Variants in TMEM44 observed in about 807,000 individuals in gnomAD.
TMEM44 encodes transmembrane protein 44.
A neutral mutation model predicts 47.8 loss-of-function variants in TMEM44; 43 were observed. That is an observed-to-expected ratio of 0.90 (90% CI 0.70 to 1.16). The LOEUF (loss-of-function observed/expected upper bound fraction) is 1.16. Among genes scored for constraint, TMEM44 ranks in the 50% most tolerant of loss-of-function variants. TMEM44 has a pLI of 0.00. For synonymous variants in TMEM44, 277 were observed against 238.8 expected (o/e 1.16, Z -1.48); for missense variants, 568 against 555.2 (o/e 1.02, Z -0.23).
At chr3:194,600,608 A>G (rs13088466) in intron 9 of TMEM44, among the ~76,000 whole-genome samples, 120,709 of 151,850 alleles carry the variant, frequency 0.79, 48,115 homozygotes, top group East Asian at 0.96. Flanking sequence ...AAAATTAGCC[A>G]GGCATGGTGG....
At chr3:194,596,412 G>T (rs1220934834) in intron 9 of TMEM44, among the ~76,000 whole-genome samples, 2 of 151,924 alleles carry the variant, frequency 1.3e-5, no homozygotes, top group African/African-American at 4.8e-5. Flanking sequence ...ACAGCAGCCT[G>T]CCCTGCTATG....
chr3:194,594,624 A>G (rs1268280470), intron 9 of TMEM44, among the ~76,000 whole-genome samples: 1 of 142,842 alleles, frequency 7.0e-6, no homozygotes, highest in Non-Finnish European at 1.5e-5. Flanking sequence ...ACATAAACTG[A>G]AAAAAAAAAA....
At chr3:194,610,282 C>T (rs1428718087) in intron 8 of TMEM44, among the ~76,000 whole-genome samples, 1 of 151,934 alleles carries the variant, frequency 6.6e-6, no homozygotes, top group African/African-American at 2.4e-5. Flanking sequence ...CTCCTCCAGC[C>T]CTTTCATCTC....
chr3:194,588,665 G>C lies in TMEM44; in HGVS notation c.1177-26C>G, dbSNP rs762283294. On this transcript the variant is annotated intron_variant, in intron 9 of 9. Coordinates refer to ENST00000347147, the MANE Select transcript of TMEM44 (RefSeq NM_001011655.3). ...CTATGGAGAAAAGATGCAAAGGGTA[G>C]CTGGGTGGAACGGATAGATGCTTCT... The C allele has an allele frequency of 1.9e-6, 3 of 1,603,700 alleles. No homozygotes were observed. In the Admixed American group the frequency reaches 5.0e-5, roughly 27 times the overall value.
At position 194,625,949 on chromosome 3, in the gene TMEM44, G is replaced by A; in HGVS notation, c.306C>T (p.Asn102=). The A allele has an allele frequency of 6.2e-7, 1 of 1,613,890 alleles. No homozygotes were observed. The highest frequency in any genetic ancestry group is 1.3e-5 in the African/African-American group (1 of 75,040). The stretch of plus-strand genomic sequence containing the variant: ...AGACTGGGAAGAGAATGAACATAAA[G>A]TTCACTAAGTCAATAGCTGCTAGGT... ...GAYLAAIDLV[N]FMFILFPVCG... The change falls in exon 3 of 10, where the codon AAC becomes AAT. Residue 102 remains asparagine (N), a synonymous_variant. Coordinates refer to ENST00000347147, the MANE Select transcript of TMEM44 (RefSeq NM_001011655.3).
intron 2 of TMEM44, among the ~76,000 whole-genome samples, chr3:194,627,547 G>A (rs1289224855): frequency 4.6e-5 from 7 of 152,196 alleles, no homozygotes; most frequent in African/African-American, 1.7e-4. Flanking sequence ...CATAAGCTGG[G>A]GCTGGGTCAA....
intron 2 of TMEM44, among the ~76,000 whole-genome samples, chr3:194,627,379 C>T (rs755203170): frequency 3.3e-5 from 5 of 152,180 alleles, no homozygotes; most frequent in Admixed American, 1.3e-4. Flanking sequence ...CATGAGGTGC[C>T]TCCGCAGGAG....
chr3:194,633,051 A>ACAGCCGCCCGC (rs2108608915), intron 1 of TMEM44, 28 bp downstream of exon 1: 4 of 1,545,198 alleles, frequency 2.6e-6, no homozygotes, highest in African/African-American at 1.4e-5. Flanking sequence ...TCCCCGCCCG[A>ACAGCCGCCCGC]CAGCCCCCCG....
chr3:194,630,861 G>A (rs1279500769), intron 1 of TMEM44, among the ~76,000 whole-genome samples: 2 of 146,596 alleles, frequency 1.4e-5, no homozygotes, highest in Non-Finnish European at 3.0e-5. Flanking sequence ...ATACGCTGTC[G>A]TACCTGCCTC....
At chr3:194,603,403 A>T (rs1193317075) in intron 9 of TMEM44, among the ~76,000 whole-genome samples, 7 of 151,070 alleles carry the variant, frequency 4.6e-5, no homozygotes, top group Admixed American at 1.3e-4. Context: ...AAGCACTGAG[A>T]CTTTTTTTTT....
chr3:194,596,744 ACTC>A (rs1713457334), intron 9 of TMEM44: 1 of 152,010 alleles, frequency 6.6e-6, no homozygotes, highest in East Asian at 1.9e-4. Flanking sequence ...AGGTTGCAAG[ACTC>A]CGTCTCAAAA....
In TMEM44 at chr3:194,610,919, C is replaced by T. The variant is rs771746142; in HGVS notation, c.1014G>A (p.Gln338=). The T allele has an allele frequency of 6.2e-7, 1 of 1,613,190 alleles. No homozygotes were observed. Among genetic ancestry groups the T allele is most frequent in the South Asian group, 1.1e-5 (1 of 90,740 alleles). ...RYMELTIEPV[Q]QAGCSATRLP... The stretch of plus-strand genomic sequence containing the variant: ...GCCATGACCGATGGCCACTCACCTG[C>T]TGCACAGGCTCGATGGTCAGCTCCA... Residue 338 remains glutamine (Q), a synonymous_variant, in exon 8 of 10, where the codon CAG becomes CAA. Coordinates refer to ENST00000347147, the MANE Select transcript of TMEM44 (RefSeq NM_001011655.3).
Position 194,623,565 on chromosome 3 carries a change from C to T in TMEM44, c.489G>A (p.Arg163=), listed in dbSNP as rs1312621754. Residue 163 remains arginine, a synonymous_variant, in exon 4 of 10, where the codon CGG becomes CGA. Coordinates refer to ENST00000347147, the MANE Select transcript of TMEM44 (RefSeq NM_001011655.3). ...VAVPKASATI[R]GPQRRLLASL... is the part of the protein sequence containing the mutation. ...TCGCTAGCAGCCTCCGCTGTGGCCC[C>T]CGGATGGTGGCTGAAGCCTTCGGGA... 6.2e-7 allele frequency: 1 copy of T among 1,608,698 alleles called. No individual in the cohort carries two copies. The highest frequency in any genetic ancestry group is 2.2e-5 in the East Asian group (1 of 44,804).
chr3:194,633,294 G>T lies in TMEM44; in HGVS notation c.-79C>A. The stretch of plus-strand genomic sequence containing the variant: ...CCGCGGGCAAGCCCCGAGCGCCGCC[G>T]CCCCGCGTGCCCTTCTCTGGGTTCC... On this transcript the variant is annotated 5_prime_UTR_variant, in exon 1 of 10. Coordinates refer to ENST00000347147, the MANE Select transcript of TMEM44 (RefSeq NM_001011655.3). 3.0e-6 allele frequency: 2 copies of T among 666,542 alleles called. No homozygotes were observed. The highest frequency in any genetic ancestry group is 3.8e-6 in the Non-Finnish European group (2 of 531,342). 41.3% of individuals were successfully genotyped at this position (666,542 alleles called of 1,614,324 possible). A position where few individuals can be genotyped will look rare whatever the true frequency, so the allele number is the denominator to read the frequency against.
rs75035959 is a variant in TMEM44 at position 194,614,758 on chromosome 3, T to C, written c.912+811A>G. 1.7e-3 allele frequency among the ~76,000 whole-genome samples: 253 copies of C among 152,340 alleles called. 2 individuals are homozygous for C. Among genetic ancestry groups the C allele is most frequent in the African/African-American group, 5.9e-3 (246 of 41,580 alleles). On this transcript the variant is annotated intron_variant, in intron 7 of 9. Coordinates refer to ENST00000347147, the MANE Select transcript of TMEM44 (RefSeq NM_001011655.3). ...ATATTAAGGTATGTAGCATGTGAAC[T>C]TAACTACCAGTAAGTAAATTATTCA... is the stretch of plus-strand genomic sequence containing the variant.
chr3:194,633,147 G>A lies in TMEM44; in HGVS notation c.69C>T (p.Arg23=). 1 of 1,549,588 alleles carries A rather than the reference G, an allele frequency of 6.5e-7. No individual in the cohort carries two copies. The highest frequency in any genetic ancestry group is 8.7e-7 in the Non-Finnish European group (1 of 1,147,142). ...DWDYLDRCFA[R]HRVCISFGLW... The stretch of plus-strand genomic sequence containing the variant: ...GGCCGAAGGAGATGCAGACGCGGTG[G>A]CGGGCGAAGCAGCGGTCCAGGTAGT... The change falls in exon 1 of 10, where the codon CGC becomes CGT. Residue 23 remains arginine (R), a synonymous_variant. Transcript: ENST00000347147.
At chr3:194,589,298 C>G (rs1712283833) in intron 9 of TMEM44, among the ~76,000 whole-genome samples, 1 of 152,232 alleles carries the variant, frequency 6.6e-6, no homozygotes, top group South Asian at 2.1e-4. Context: ...CCATGCCCAG[C>G]TTCAACCTAT....
Position 194,623,237 on chromosome 3 carries a change from G to A in TMEM44, c.599C>T (p.Pro200Leu). The stretch of plus-strand genomic sequence containing the variant: ...CCCCGGCCTCACAATTCTGGAGAGA[G>A]GGGGGATCCGAGAAGCCCAGGAGCC... ...AFGSWASRIP[P>L]LSRICRGKTF... is the part of the protein sequence containing the mutation. Residue 200 changes from proline (P) to leucine (L), a missense_variant, in exon 5 of 10, where the codon CCT becomes CTT. Physicochemically the swap from Pro to Leu is moderately conservative, Grantham distance 98. Coordinates refer to ENST00000347147, the MANE Select transcript of TMEM44 (RefSeq NM_001011655.3). 2 of 1,609,134 alleles carry A rather than the reference G, an allele frequency of 1.2e-6. No individual in the cohort carries two copies. The highest frequency in any genetic ancestry group is 8.5e-7 in the Non-Finnish European group (1 of 1,177,848).
At position 194,623,142 on chromosome 3, in the gene TMEM44, G is replaced by A. The variant is rs565829341; in HGVS notation, c.612+82C>T. 4.5e-5 allele frequency: 62 copies of A among 1,366,398 alleles called. No individual in the cohort carries two copies. In the African/African-American group the frequency reaches 6.2e-4, roughly 14 times the overall value. 84.6% of individuals were successfully genotyped at this position (1,366,398 alleles called of 1,614,324 possible). On this transcript the variant is annotated intron_variant, in intron 5 of 9. Transcript: ENST00000347147. ...GCACCCACGGTGACGCCACACCTCCGCCCCATGACCCTCTCAGGATGCTCC... is the reference window on the plus strand; with the variant it reads ...GCACCCACGGTGACGCCACACCTCCACCCCATGACCCTCTCAGGATGCTCC...
Sources: allele counts gnomAD v4.1 joint callset (sites outside exome capture counted in the v4.1 genomes callset), GRCh38; gene constraint gnomAD v4.1.1; transcripts MANE v1.5; gene names NCBI Gene and HGNC (gene_info 2026-07-23, HGNC 2026-07-21).